Variants in GTF3C5 observed in about 807,000 individuals in gnomAD.
The protein encoded by GTF3C5 is general transcription factor IIIC subunit 5.
Under a neutral mutation model 61.0 loss-of-function variants are expected in GTF3C5, and 47 were observed. The observed-to-expected ratio is 0.77, with a 90% CI of 0.61 to 0.98. GTF3C5 has a LOEUF of 0.98. Ranked by LOEUF, GTF3C5 falls within the 50% of genes least tolerant of loss-of-function variation. The pLI, the probability that GTF3C5 is intolerant of heterozygous loss-of-function variation, is 0.00. For synonymous variants in GTF3C5, 295 were observed against 275.4 expected (o/e 1.07, Z -0.71); for missense variants, 659 against 703.3 (o/e 0.94, Z 0.71).
In GTF3C5 at chr9:133,058,192, TC is replaced by T; in HGVS notation, c.*216del. 1.5e-6 allele frequency: 2 copies of T among 1,376,254 alleles called. No individual in the cohort carries two copies. The allele number at this position is 1,376,254 out of a possible 1,614,324, so 85.3% of individuals were successfully genotyped here. A position where few individuals can be genotyped will look rare whatever the true frequency, so the allele number is the denominator to read the frequency against. On this transcript the variant is annotated 3_prime_UTR_variant, in exon 11 of 11. Coordinates refer to ENST00000372097, the MANE Select transcript of GTF3C5 (RefSeq NM_012087.4). ...CTCTGGTCCTGAGGGGTTAGGGACA[TC>T]CCCAAAGGGTATACCCTGGCTCTGC...
At chr9:133,051,489 C>T (rs944894432) in intron 4 of GTF3C5, among the ~76,000 whole-genome samples, 2 of 152,238 alleles carry the variant, frequency 1.3e-5, no homozygotes, top group Non-Finnish European at 2.9e-5. Flanking sequence ...TGGGAGACCA[C>T]GTGGATGTCT....
intron 1 of GTF3C5, among the ~76,000 whole-genome samples, chr9:133,041,301 G>C (rs890970575): frequency 6.6e-6 from 1 of 152,170 alleles, no homozygotes; most frequent in Non-Finnish European, 1.5e-5. Context: ...AGTTATCCGG[G>C]GGACTGTCTC....
chr9:133,044,759 G>C lies in GTF3C5; in HGVS notation c.572+833G>C, dbSNP rs546409230. On this transcript the variant is annotated intron_variant, in intron 3 of 10. Coordinates refer to ENST00000372097, the MANE Select transcript of GTF3C5 (RefSeq NM_012087.4). Reference sequence around the variant, plus strand: ...CACAGCTCTCGCCTGCTCTGTACTTGGTTATGGACTGCGTCCCCTCCAGAA... The same window carrying C: ...CACAGCTCTCGCCTGCTCTGTACTTCGTTATGGACTGCGTCCCCTCCAGAA... Among the ~76,000 whole-genome samples the C allele has an allele frequency of 1.4e-3, 209 of 152,188 alleles. 2 individuals carry two copies. The highest frequency in any genetic ancestry group is 4.9e-3 in the African/African-American group (202 of 41,524).
At chr9:133,050,199 G>A (rs1316197253) in intron 3 of GTF3C5, among the ~76,000 whole-genome samples, 1 of 152,102 alleles carries the variant, frequency 6.6e-6, no homozygotes, top group Non-Finnish European at 1.5e-5. Flanking sequence ...CAGGAGCTCC[G>A]TCTCTGGGCA....
chr9:133,030,897 G>A (rs1367400914), upstream of GTF3C5: 1 of 1,228,606 alleles, frequency 8.1e-7, no homozygotes, highest in Non-Finnish European at 1.2e-6. Context: ...CGGGGAGTTA[G>A]GATGACGCGA....
At chr9:133,037,521 G>T (rs1185342364) in intron 1 of GTF3C5, among the ~76,000 whole-genome samples, 2 of 151,622 alleles carry the variant, frequency 1.3e-5, no homozygotes, top group African/African-American at 4.9e-5. Context: ...TATATGTATG[G>T]TGGGGGGGTG....
intron 3 of GTF3C5, among the ~76,000 whole-genome samples, chr9:133,049,941 C>A (rs1199368682): frequency 6.6e-6 from 1 of 152,118 alleles, no homozygotes; most frequent in Non-Finnish European, 1.5e-5. Flanking sequence ...GACGTCGTCA[C>A]CCAGTGTCCG....
intron 8 of GTF3C5, chr9:133,055,751 C>T (rs1564205369): frequency 7.5e-7 from 1 of 1,324,770 alleles, no homozygotes. Context: ...GCGCCATGGC[C>T]TGCTGCACGG....
At chr9:133,054,935 TCCTTTTAGGTCAG>T (rs1564204685) in intron 8 of GTF3C5, 126 bp downstream of exon 8, 3 of 1,549,398 alleles carry the variant, frequency 1.9e-6, no homozygotes, top group Non-Finnish European at 2.6e-6. Context: ...GCACCTTGCT[TCCTTTTAGGTCAG>T]CCTTCAGACA....
intron 1 of GTF3C5, among the ~76,000 whole-genome samples, chr9:133,040,440 G>A (rs549700343): frequency 1.1e-3 from 175 of 152,282 alleles, no homozygotes; most frequent in Middle Eastern, 3.4e-3. Context: ...TCATATGTAC[G>A]TGGCACATAT....
chr9:133,055,275 A>G (rs1829899416), intron 8 of GTF3C5: 18 of 1,432,704 alleles, frequency 1.3e-5, no homozygotes, highest in Non-Finnish European at 1.5e-5. Flanking sequence ...TCCCACATTC[A>G]GGCTCCCGCA....
At chr9:133,036,171 C>T (rs2118974955) in intron 1 of GTF3C5, among the ~76,000 whole-genome samples, 1 of 152,318 alleles carries the variant, frequency 6.6e-6, no homozygotes, top group South Asian at 2.1e-4. Flanking sequence ...GTCTCCCTTA[C>T]ATCGGGCCTG....
intron 2 of GTF3C5, among the ~76,000 whole-genome samples, 194 bp downstream of exon 2, chr9:133,042,500 T>C (rs563583409): frequency 2.0e-5 from 3 of 152,232 alleles, no homozygotes; most frequent in Non-Finnish European, 4.4e-5. Flanking sequence ...CCCCAGAGAC[T>C]GCAGGTTCAT....
intron 1 of GTF3C5, among the ~76,000 whole-genome samples, chr9:133,040,751 G>A (rs1413276767): frequency 3.3e-5 from 5 of 152,130 alleles, no homozygotes; most frequent in Non-Finnish European, 1.5e-5. Context: ...ACTCCACCCC[G>A]CACCAAGCCT....
chr9:133,051,053 C>T, intron 4 of GTF3C5, 75 bp downstream of exon 4: 1 of 1,163,210 alleles, frequency 8.6e-7, no homozygotes, highest in South Asian at 1.6e-5. Flanking sequence ...CAGCTGCTCC[C>T]TGTTCCTGGC....
intron 3 of GTF3C5, among the ~76,000 whole-genome samples, chr9:133,047,536 T>G (rs1193584285): frequency 6.6e-6 from 1 of 152,024 alleles, no homozygotes; most frequent in South Asian, 2.1e-4. Flanking sequence ...TTTTTTTTTT[T>G]TGGAGACGGA....
At chr9:133,030,920 C>T, upstream of GTF3C5, 3 of 1,427,096 alleles carry the variant, frequency 2.1e-6, no homozygotes, top group Non-Finnish European at 2.9e-6. Context: ...GGTGAGGGAG[C>T]CCGGAACGAT....
rs1436991757 is a variant in GTF3C5, at chr9:133,043,736, G to A, written c.382G>A (p.Asp128Asn). Reference protein sequence around the residue: ...STIYKFQGMSDFQYLAVHTEA... With the variant: ...STIYKFQGMSNFQYLAVHTEA... ...CCCACCTCTCTTTCTAGGGATGTCT[G>A]ACTTCCAGTACTTGGCTGTGCATAC... The change falls in exon 3 of 11, where the codon GAC becomes AAC. Residue 128 changes from aspartate to asparagine, a missense_variant. Coordinates refer to ENST00000372097, the MANE Select transcript of GTF3C5 (RefSeq NM_012087.4). 1 of 1,614,010 alleles carries A rather than the reference G, an allele frequency of 6.2e-7. No homozygotes were observed. The highest frequency in any genetic ancestry group is 2.2e-5 in the East Asian group (1 of 44,886).
At chr9:133,051,862 A>G (rs1225923726) in intron 4 of GTF3C5, 198 bp from the exon 5 acceptor site, 1 of 444,648 alleles carries the variant, frequency 2.2e-6, no homozygotes, top group Non-Finnish European at 4.0e-6. Context: ...CAGGCTGGGC[A>G]TGCAGCCCAG....
Sources: gnomAD v4.1 joint callset for allele counts (sites outside exome capture counted in the v4.1 genomes callset) on GRCh38, gnomAD v4.1.1 for gene constraint, MANE v1.5 for transcripts, NCBI Gene and HGNC (gene_info 2026-07-23, HGNC 2026-07-21) for gene names.